The following TLE6 variants were observed in gnomAD, a reference collection of about 807,000 sequenced individuals.
TLE6 encodes transducin-like enhancer protein 6.
TLE6 carries 72 observed loss-of-function variants against 77.1 expected under a neutral mutation model. That is an observed-to-expected ratio of 0.93 (90% confidence interval 0.77 to 1.14). The LOEUF (loss-of-function observed/expected upper bound fraction) is 1.14. Among genes scored for constraint, TLE6 ranks in the 50% most tolerant of loss-of-function variants. TLE6 has a pLI of 0.00. For synonymous variants in TLE6, 366 were observed against 287.3 expected, an observed-to-expected ratio of 1.27 and a Z score of -2.77; for missense variants, 843 against 747.6, an observed-to-expected ratio of 1.13 and a Z score of -1.49.
chr19:2,981,689 C>A, intron 4 of TLE6, 106 bp downstream of exon 4: 1 of 1,229,356 alleles, frequency 8.1e-7, no homozygotes, highest in Non-Finnish European at 1.2e-6. Flanking sequence ...GGTTCTTTTC[C>A]GCCAAGCACT....
In TLE6 at chr19:2,978,112, G is replaced by A. The variant is rs187860938; in HGVS notation, c.-36-86G>A. ...CCCTGGAGACTTACCAAACTGGGAG[G>A]TGCGGGTGGGGTAACGGGTGCCTTG... On this transcript the variant is annotated intron_variant, in intron 1 of 16. Transcript: ENST00000246112. 14 of 972,294 alleles carry A rather than the reference G, an allele frequency of 1.4e-5. No individual in the cohort carries two copies. The African/African-American group carries it at 1.9e-4, about 14-fold the overall frequency. 60.2% of individuals were successfully genotyped at this position (972,294 alleles called of 1,614,324 possible).
rs1301290832 is a variant in TLE6 at position 2,981,640 on chromosome 19, C to G, written c.180+57C>G. 6 of 1,529,460 alleles carry G rather than the reference C, an allele frequency of 3.9e-6. No individual in the cohort carries two copies. The East Asian group carries it at 7.4e-5, about 19-fold the overall frequency. 94.7% of individuals were successfully genotyped at this position (1,529,460 alleles called of 1,614,324 possible). ...AGGGCCCCACTGGGACAAGCTGAGG[C>G]CCTGGTTTCCCGGCCCTGCCTCCTG... is the stretch of plus-strand genomic sequence containing the variant. On this transcript the variant is annotated intron_variant, in intron 4 of 16. Transcript: ENST00000246112.
At chr19:2,982,374 C>G (rs2088815781) in intron 5 of TLE6, among the ~76,000 whole-genome samples, 185 bp downstream of exon 5, 1 of 151,452 alleles carries the variant, frequency 6.6e-6, no homozygotes, top group Non-Finnish European at 1.5e-5. Flanking sequence ...CCCGTCTCTA[C>G]TAAAAATAAA....
intron 14 of TLE6, among the ~76,000 whole-genome samples, chr19:2,993,067 C>T (rs902101853): frequency 1.1e-4 from 16 of 146,842 alleles, no homozygotes; most frequent in Non-Finnish European, 2.2e-4. Context: ...AATAATTAGC[C>T]AGGCATGGTG....
chr19:2,988,785 G>A (rs2088973945), intron 11 of TLE6, among the ~76,000 whole-genome samples: 1 of 152,126 alleles, frequency 6.6e-6, no homozygotes, highest in Non-Finnish European at 1.5e-5. Flanking sequence ...TGGGGAAGGA[G>A]CATAATAGCT....
intron 3 of TLE6, among the ~76,000 whole-genome samples, chr19:2,981,136 A>G (rs914094073): frequency 6.6e-6 from 1 of 151,942 alleles, no homozygotes; most frequent in East Asian, 1.9e-4. Flanking sequence ...AGGTGGGCGG[A>G]TCACCTGGAG....
chr19:2,985,038 G>C lies in TLE6; in HGVS notation c.223-1791G>C, dbSNP rs556044021. On this transcript the variant is annotated intron_variant, in intron 5 of 16. Transcript: ENST00000246112. The stretch of plus-strand genomic sequence containing the variant: ...GGCTGAGGTGGGCAGATCACCTGAC[G>C]TCAGGAGTTCGAGACCAGCCTGGCC... Among the ~76,000 whole-genome samples, 114 of 151,574 alleles carry C rather than the reference G, an allele frequency of 7.5e-4. 1 individual carries two copies. Among genetic ancestry groups the C allele is most frequent in the Non-Finnish European group, 1.3e-3 (87 of 67,920 alleles).
At chr19:2,982,729 A>G (rs2088824859) in intron 5 of TLE6, among the ~76,000 whole-genome samples, 1 of 152,066 alleles carries the variant, frequency 6.6e-6, no homozygotes, top group East Asian at 1.9e-4. Context: ...TGGAGGCCCC[A>G]TATCTTGGGG....
In TLE6 at chr19:2,987,773, G is replaced by A; in HGVS notation, c.608G>A (p.Cys203Tyr). 6.2e-7 allele frequency: 1 copy of A among 1,614,202 alleles called. No individual in the cohort carries two copies. The change falls in exon 9 of 17, where the codon TGT becomes TAT. Residue 203 changes from cysteine (C) to tyrosine (Y), a missense_variant. Coordinates refer to ENST00000246112, the MANE Select transcript of TLE6 (RefSeq NM_001143986.2). ...PGSCDPGTDP[C>Y]PEDASTPRPP... is the part of the protein sequence containing the mutation. ...TCCTGTGACCCAGGAACAGACCCAT[G>A]TCCTGAAGATGCCTCCAGTAATCCC...
chr19:2,982,064 A>G (rs1324938702), intron 4 of TLE6, 84 bp from the exon 5 acceptor site: 21 of 1,425,438 alleles, frequency 1.5e-5, no homozygotes, highest in Non-Finnish European at 1.5e-5. Flanking sequence ...AGTAGGGGCC[A>G]GAGAGGTAGA....
At chr19:2,987,863 T>C (rs1375110530) in intron 9 of TLE6, 35 bp from the exon 10 acceptor site, 6 of 1,613,250 alleles carry the variant, frequency 3.7e-6, no homozygotes, top group African/African-American at 2.7e-5. Context: ...GAGGAGCCAA[T>C]GCAAGCCGCT....
At chr19:2,987,423 G>T (rs534188815) in intron 8 of TLE6, 51 bp downstream of exon 8, 3 of 1,611,724 alleles carry the variant, frequency 1.9e-6, no homozygotes, top group South Asian at 2.2e-5. Flanking sequence ...CCGGGCAGGC[G>T]GTTGGGCTCC....
At chr19:2,978,115 C>T (rs1009456109) in intron 1 of TLE6, 83 bp from the exon 2 acceptor site, 23 of 1,001,890 alleles carry the variant, frequency 2.3e-5, no homozygotes, top group Admixed American at 4.3e-5. Flanking sequence ...CTGGGAGGTG[C>T]GGGTGGGGTA....
intron 13 of TLE6, among the ~76,000 whole-genome samples, chr19:2,991,148 G>A (rs2089046197): frequency 6.6e-6 from 1 of 151,400 alleles, no homozygotes; most frequent in African/African-American, 2.4e-5. Flanking sequence ...CAGATCACCT[G>A]AGGTCGGGAG....
intron 13 of TLE6, 55 bp from the exon 14 acceptor site, chr19:2,991,788 G>A (rs1441587727): frequency 3.7e-5 from 58 of 1,576,690 alleles, no homozygotes; most frequent in Non-Finnish European, 4.7e-5. Flanking sequence ...GTGTTTCCGG[G>A]GGCCCAAACC....
At position 2,988,107 on chromosome 19, in the gene TLE6, C is replaced by G; in HGVS notation, c.719C>G (p.Ala240Gly). 6.4e-7 allele frequency: 1 copy of G among 1,552,020 alleles called. No individual in the cohort carries two copies. The highest frequency in any genetic ancestry group is 8.7e-7 in the Non-Finnish European group (1 of 1,147,156). ...WGVVQEPPGR[A>G]SRFLQSISWD... ...CGCCTGCAGGAGCCTCCTGGAAGAG[C>G]CTCTCGGTTTCTACAGTCCATGTAA... is the stretch of plus-strand genomic sequence containing the variant. Residue 240 changes from alanine (A) to glycine (G), a missense_variant, in exon 11 of 17, where the codon GCC becomes GGC. By Grantham distance (60) the Ala-to-Gly change is moderately conservative. Coordinates refer to ENST00000246112, the MANE Select transcript of TLE6 (RefSeq NM_001143986.2).
rs142666687 is a variant in TLE6, at chr19:2,992,397, G to A, written c.1386+413G>A. On this transcript the variant is annotated intron_variant, in intron 14 of 16. Transcript: ENST00000246112. ...TGAGGCAGGAGAATCGCTTAAACCC[G>A]GGAGGTGGAGGTTGTGGTGAGCCGA... is the stretch of plus-strand genomic sequence containing the variant. Among the ~76,000 whole-genome samples, 111 of 152,154 alleles carry A rather than the reference G, an allele frequency of 7.3e-4. No individual in the cohort carries two copies. In the East Asian group the frequency reaches 0.018, roughly 25 times the overall value.
At chr19:2,992,061 C>A in intron 14 of TLE6, 77 bp downstream of exon 14, 1 of 1,549,918 alleles carries the variant, frequency 6.5e-7, no homozygotes, top group Non-Finnish European at 8.8e-7. Context: ...TGAGGCCGGG[C>A]TCCGTGGCTC....
chr19:2,994,164 G>T, intron 16 of TLE6, 69 bp downstream of exon 16: 1 of 1,355,218 alleles, frequency 7.4e-7, no homozygotes, highest in Non-Finnish European at 1.0e-6. Context: ...AACACAGCAA[G>T]ACCCTGTCTC....
Sources: gnomAD v4.1 joint callset for allele counts (sites outside exome capture counted in the v4.1 genomes callset) on GRCh38, gnomAD v4.1.1 for gene constraint, MANE v1.5 for transcripts, NCBI Gene and HGNC (gene_info 2026-07-23, HGNC 2026-07-21) for gene names.